MNDA: variants seen among roughly 807,000 people sequenced by gnomAD.
MNDA encodes epididymis secretory sperm binding protein.
A neutral mutation model predicts 37.8 loss-of-function variants in MNDA; 43 were observed. That is an observed-to-expected ratio of 1.14 (90% CI 0.89 to 1.47). The LOEUF is 1.47. Ranked by LOEUF, MNDA falls within the 40% of genes most tolerant of loss-of-function variation. MNDA has a pLI of 0.00. For missense variants in MNDA, 536 were observed against 476.0 expected, an observed-to-expected ratio of 1.13 and a Z score of -1.17; for synonymous variants, 181 against 169.0, an observed-to-expected ratio of 1.07 and a Z score of -0.55.
At position 158,843,955 on chromosome 1, in the gene MNDA, A is replaced by T; in HGVS notation, c.403A>T (p.Lys135Ter). 3 of 1,578,808 alleles carry T rather than the reference A, an allele frequency of 1.9e-6. No individual in the cohort carries two copies. The South Asian group carries it at 3.5e-5, about 18-fold the overall frequency. The change falls in exon 4 of 7, where the codon AAA becomes TAA. Residue 135 changes from lysine (K) to a stop codon, truncating the protein, a stop_gained and splice_region_variant. Transcript: ENST00000368141. LOFTEE classifies it high-confidence loss of function. Reference protein sequence around the residue: ...EARGRIPVAQKRKTPNKEKTE... With the variant: ...EARGRIPVAQ ...AACAGGAAAATTAAACTACTTTCAGAAAAGAAAAACTCCAAACAAAGAAAA... is the reference window on the plus strand; with the variant it reads ...AACAGGAAAATTAAACTACTTTCAGTAAAGAAAAACTCCAAACAAAGAAAA...
At position 158,841,978 on chromosome 1, in the gene MNDA, T is replaced by G. The variant is rs188278941; in HGVS notation, c.-20-156T>G. Among the ~76,000 whole-genome samples, 774 of 152,332 alleles carry G rather than the reference T, an allele frequency of 5.1e-3. 4 individuals are homozygous for G. The highest frequency in any genetic ancestry group is 0.018 in the African/African-American group (744 of 41,566). ...TCCTAATAAAGCAAGTCTTGATCCA[T>G]TGTTCACAGTGACATATCTGGTAAC... On this transcript the variant is annotated intron_variant, in intron 1 of 6. Transcript: ENST00000368141.
At chr1:158,835,735 A>G (rs1310352989) in intron 1 of MNDA, among the ~76,000 whole-genome samples, 2 of 151,806 alleles carry the variant, frequency 1.3e-5, no homozygotes, top group Non-Finnish European at 2.9e-5. Context: ...GTCTCTTACC[A>G]TTGGGAATAA....
rs185573725 is a variant in MNDA at position 158,847,159 on chromosome 1, G to A, written c.988-569G>A. 1.6e-3 allele frequency among the ~76,000 whole-genome samples: 245 copies of A among 152,228 alleles called. 1 individual carries two copies. Among genetic ancestry groups the A allele is most frequent in the Middle Eastern group, 3.4e-3 (1 of 294 alleles). ...TAATAAACTTTCAAGACTCAGAAGCGGGAGGCTGGGAGGGAGGTGAGGGAT... is the reference window on the plus strand; with the variant it reads ...TAATAAACTTTCAAGACTCAGAAGCAGGAGGCTGGGAGGGAGGTGAGGGAT... On this transcript the variant is annotated intron_variant, in intron 5 of 6. Transcript: ENST00000368141.
rs201766714 is a variant in MNDA at position 158,842,328 on chromosome 1, G to A, written c.175G>A (p.Val59Ile). The A allele has an allele frequency of 5.4e-5, 87 of 1,614,108 alleles. No individual in the cohort carries two copies. The highest frequency in any genetic ancestry group is 8.9e-5 in the East Asian group (4 of 44,868). ...TTTGATGGAAAAAAAGTTCCAAGGC[G>A]TTGCCTGTCTAGACAAACTAATAGA... ...TDLMEKKFQG[V>I]ACLDKLIELA... Residue 59 changes from valine to isoleucine, a missense_variant, in exon 2 of 7, where the codon GTT becomes ATT. Transcript: ENST00000368141.
intron 3 of MNDA, 22 bp from the exon 4 acceptor site, chr1:158,843,933 A>G: frequency 6.4e-7 from 1 of 1,561,142 alleles, no homozygotes; most frequent in Non-Finnish European, 8.6e-7. Flanking sequence ...CTCCATTAAC[A>G]GGAAAATTAA....
intron 1 of MNDA, among the ~76,000 whole-genome samples, chr1:158,837,679 T>A (rs1306787057): frequency 6.6e-6 from 1 of 151,876 alleles, no homozygotes; most frequent in Non-Finnish European, 1.5e-5. Context: ...ATAATTTTAA[T>A]ATGCTTTTTG....
Position 158,847,738 on chromosome 1 carries a change from A to G in MNDA, c.998A>G (p.His333Arg), listed in dbSNP as rs1231949399. Residue 333 changes from histidine (H) to arginine (R), a missense_variant, in exon 6 of 7, where the codon CAC becomes CGC. Physicochemically the swap from His to Arg is conservative, Grantham distance 29. Transcript: ENST00000368141. ...GLFMLQKKSVHKKNTIYEIQD... is the reference protein window; with the variant it reads ...GLFMLQKKSVRKKNTIYEIQD... ...AATCTTCTTTTGCAGAAAAGCGTAC[A>G]CAAGAAGAACACAATTTATGAAATA... 6.2e-7 allele frequency: 1 copy of G among 1,612,152 alleles called. No individual in the cohort carries two copies. The highest frequency in any genetic ancestry group is 1.1e-5 in the South Asian group (1 of 90,840).
chr1:158,833,901 TTTTTAA>T (rs1180333908), intron 1 of MNDA, among the ~76,000 whole-genome samples: 1 of 152,224 alleles, frequency 6.6e-6, no homozygotes, highest in African/African-American at 2.4e-5. Context: ...GGTAATGTTA[TTTTTAA>T]TTTTAAGAGT....
Position 158,845,855 on chromosome 1 carries a change from T to C in MNDA, c.839T>C (p.Ile280Thr), listed in dbSNP as rs1306766674. The C allele has an allele frequency of 6.2e-7, 1 of 1,614,110 alleles. No homozygotes were observed. Among genetic ancestry groups the C allele is most frequent in the African/African-American group, 1.3e-5 (1 of 75,034 alleles). ...DYSECKGVME[I>T]KEASSVSDFN... ...TCTGAATGTAAAGGAGTAATGGAAA[T>C]AAAGGAAGCATCATCTGTGTCTGAC... The change falls in exon 5 of 7, where the codon ATA becomes ACA. Residue 280 changes from isoleucine to threonine, a missense_variant. Ile to Thr is a moderately conservative substitution (Grantham distance 89). Transcript: ENST00000368141.
chr1:158,843,011 G>T (rs1659062481), intron 2 of MNDA, among the ~76,000 whole-genome samples: 1 of 152,140 alleles, frequency 6.6e-6, no homozygotes. Context: ...GGTTGATTGA[G>T]GCACATGGAG....
chr1:158,846,915 G>A (rs756359458), intron 5 of MNDA, among the ~76,000 whole-genome samples: 5 of 152,214 alleles, frequency 3.3e-5, no homozygotes, highest in Non-Finnish European at 7.3e-5. Flanking sequence ...AAACACTACA[G>A]AGTATGAATG....
intron 1 of MNDA, among the ~76,000 whole-genome samples, chr1:158,836,685 T>C (rs1216165243): frequency 6.6e-6 from 1 of 151,760 alleles, no homozygotes; most frequent in Non-Finnish European, 1.5e-5. Flanking sequence ...CTTTTTTTTA[T>C]TGATTTTCTT....
In MNDA at chr1:158,845,954, A is replaced by G. The variant is rs1191012857; in HGVS notation, c.938A>G (p.Tyr313Cys). Residue 313 changes from tyrosine (Y) to cysteine (C), a missense_variant, in exon 5 of 7, where the codon TAC (tyrosine) becomes TGC (cysteine). Tyr to Cys is a radical substitution (Grantham distance 194). Transcript: ENST00000368141. ...AAAACTCCCAAGATCAGTCAACTTT[A>G]CAAGCAAGCATCTGGAACAATGGTG... ...ANKTPKISQLYKQASGTMVYG... is the reference protein window; with the variant it reads ...ANKTPKISQLCKQASGTMVYG... The G allele has an allele frequency of 6.2e-7, 1 of 1,614,148 alleles. No individual in the cohort carries two copies. The highest frequency in any genetic ancestry group is 2.2e-5 in the East Asian group (1 of 44,870).
At chr1:158,845,015 G>T (rs963258746) in intron 4 of MNDA, among the ~76,000 whole-genome samples, 8 of 152,098 alleles carry the variant, frequency 5.3e-5, no homozygotes, top group African/African-American at 1.9e-4. Context: ...AGTCAATGAG[G>T]GTGATTTAAT....
At chr1:158,837,355 T>A (rs1345062725) in intron 1 of MNDA, among the ~76,000 whole-genome samples, 4 of 151,844 alleles carry the variant, frequency 2.6e-5, no homozygotes, top group Non-Finnish European at 5.9e-5. Context: ...TCCCTTCAAT[T>A]CTGTAAATGT....
chr1:158,846,037 C>A (rs1239519861), intron 5 of MNDA, 34 bp downstream of exon 5: 2 of 1,524,888 alleles, frequency 1.3e-6, no homozygotes, highest in Non-Finnish European at 1.8e-6. Flanking sequence ...TTTTCTCTAC[C>A]ATTACCTGGA....
Position 158,843,959 on chromosome 1 carries a change from G to T in MNDA, c.407G>T (p.Arg136Ile), listed in dbSNP as rs752129651. ...ARGRIPVAQK[R>I]KTPNKEKTEA... ...GGAAAATTAAACTACTTTCAGAAAAGAAAAACTCCAAACAAAGAAAAGACT... is the reference window on the plus strand; with the variant it reads ...GGAAAATTAAACTACTTTCAGAAAATAAAAACTCCAAACAAAGAAAAGACT... Residue 136 changes from arginine (R) to isoleucine (I), a missense_variant, in exon 4 of 7, where the codon AGA (arginine) becomes ATA (isoleucine). Physicochemically the swap from Arg to Ile is moderately conservative, Grantham distance 97. Transcript: ENST00000368141. The T allele has an allele frequency of 8.2e-6, 13 of 1,582,528 alleles. No homozygotes were observed. The East Asian group carries it at 2.9e-4, about 36-fold the overall frequency.
chr1:158,835,182 T>G (rs1033324699), intron 1 of MNDA, among the ~76,000 whole-genome samples: 1 of 152,216 alleles, frequency 6.6e-6, no homozygotes, highest in Non-Finnish European at 1.5e-5. Context: ...CAGATTACAT[T>G]GCAAATTGCA....
Position 158,843,366 on chromosome 1 carries a change from C to G in MNDA, c.353C>G (p.Ala118Gly). Residue 118 changes from alanine (A) to glycine (G), a missense_variant, in exon 3 of 7, where the codon GCA becomes GGA. Coordinates refer to ENST00000368141, the MANE Select transcript of MNDA (RefSeq NM_002432.3). Reference sequence around the variant, plus strand: ...GGTCTTGCGGCACCTGCACCCACCGCAAGAAACAAACTGACATCGGAAGCA... The same window carrying G: ...GGTCTTGCGGCACCTGCACCCACCGGAAGAAACAAACTGACATCGGAAGCA... ...EVGLAAPAPT[A>G]RNKLTSEARG... is the part of the protein sequence containing the mutation. 6.2e-7 allele frequency: 1 copy of G among 1,612,530 alleles called. No individual in the cohort carries two copies. The highest frequency in any genetic ancestry group is 1.1e-5 in the South Asian group (1 of 90,886).
Sources: gnomAD v4.1 joint callset for allele counts (sites outside exome capture counted in the v4.1 genomes callset) on GRCh38, gnomAD v4.1.1 for gene constraint, MANE v1.5 for transcripts, NCBI Gene and HGNC (gene_info 2026-07-23, HGNC 2026-07-21) for gene names.